CPQ: variants seen among roughly 807,000 people sequenced by gnomAD.
CPQ encodes the protein Ser-Met dipeptidase.
A neutral mutation model predicts 45.7 loss-of-function variants in CPQ; 37 were observed. That is an observed-to-expected ratio of 0.81 (90% CI 0.62 to 1.07). CPQ has a LOEUF of 1.07. CPQ is among the 50% of genes least tolerant of loss of function. The probability of loss-of-function intolerance (pLI) is 0.00; values close to 1 mark genes in which losing one functional copy is unlikely to be tolerated. For synonymous variants in CPQ, 186 were observed against 205.8 expected, an observed-to-expected ratio of 0.90 and a Z score of 0.82; for missense variants, 537 against 572.9, an observed-to-expected ratio of 0.94 and a Z score of 0.64.
At chr8:97,110,037 G>A (rs1266257976) in intron 7 of CPQ, among the ~76,000 whole-genome samples, 1 of 152,114 alleles carries the variant, frequency 6.6e-6, no homozygotes, top group East Asian at 1.9e-4. Flanking sequence ...CCAGCTTGAT[G>A]AGTTTGGATA....
chr8:96,911,924 G>A (rs909183423), intron 4 of CPQ, among the ~76,000 whole-genome samples: 1 of 152,160 alleles, frequency 6.6e-6, no homozygotes, highest in African/African-American at 2.4e-5. Flanking sequence ...ACCTTTGGTC[G>A]AGTTCTGGCT....
chr8:97,037,955 T>C (rs1173507702), intron 6 of CPQ, among the ~76,000 whole-genome samples: 1 of 152,224 alleles, frequency 6.6e-6, no homozygotes, highest in East Asian at 1.9e-4. Flanking sequence ...CTGGCTTTTA[T>C]TATATTTTTC....
At chr8:96,923,763 G>T (rs1379717429) in intron 4 of CPQ, among the ~76,000 whole-genome samples, 1 of 152,096 alleles carries the variant, frequency 6.6e-6, no homozygotes, top group Non-Finnish European at 1.5e-5. Context: ...TATTTGTTAG[G>T]TAATTCCAGG....
At chr8:97,062,339 C>T (rs1810564038) in intron 6 of CPQ, among the ~76,000 whole-genome samples, 1 of 152,154 alleles carries the variant, frequency 6.6e-6, no homozygotes, top group Admixed American at 6.6e-5. Flanking sequence ...AGAGGCCATT[C>T]ACCTGCCTTG....
intron 1 of CPQ, among the ~76,000 whole-genome samples, chr8:96,645,652 G>A (rs1023854223): frequency 2.0e-5 from 3 of 152,052 alleles, no homozygotes; most frequent in African/African-American, 7.2e-5. Flanking sequence ...GCTGTGACGT[G>A]GGGGTGGTGG....
At chr8:97,027,983 A>G (rs1323524394) in intron 5 of CPQ, among the ~76,000 whole-genome samples, 1 of 152,200 alleles carries the variant, frequency 6.6e-6, no homozygotes, top group Non-Finnish European at 1.5e-5. Flanking sequence ...CACTGCAGCA[A>G]TCCAGACAAC....
intron 7 of CPQ, among the ~76,000 whole-genome samples, chr8:97,116,937 T>C (rs1440360617): frequency 6.6e-6 from 1 of 152,198 alleles, no homozygotes; most frequent in Non-Finnish European, 1.5e-5. Flanking sequence ...GTCCAGGAAT[T>C]GATGATAACC....
chr8:96,783,021 A>AATC (rs1166154725), intron 1 of CPQ, among the ~76,000 whole-genome samples: 3 of 152,182 alleles, frequency 2.0e-5, no homozygotes, highest in Non-Finnish European at 4.4e-5. Flanking sequence ...CTCTAAGAAG[A>AATC]ATCACTCAAG....
chr8:97,084,752 T>C (rs1811011715), intron 7 of CPQ, among the ~76,000 whole-genome samples: 1 of 152,132 alleles, frequency 6.6e-6, no homozygotes, highest in South Asian at 2.1e-4. Flanking sequence ...TGTGTTTATG[T>C]GCCTTGTAAA....
At chr8:96,737,252 C>CAAA (rs1468523831) in intron 1 of CPQ, among the ~76,000 whole-genome samples, 1 of 125,794 alleles carries the variant, frequency 7.9e-6, no homozygotes, top group African/African-American at 3.1e-5. Context: ...CACACACACA[C>CAAA]ACAAAAAAAA....
At chr8:96,718,785 C>T (rs1184931431) in intron 1 of CPQ, among the ~76,000 whole-genome samples, 1 of 152,094 alleles carries the variant, frequency 6.6e-6, no homozygotes, top group Non-Finnish European at 1.5e-5. Flanking sequence ...TCCATGTCCC[C>T]ACTAGATTAA....
intron 2 of CPQ, among the ~76,000 whole-genome samples, chr8:96,831,876 C>A (rs1050989143): frequency 2.0e-5 from 3 of 151,924 alleles, no homozygotes; most frequent in African/African-American, 4.8e-5. Context: ...TTTAAATGTA[C>A]GTATAAATTA....
intron 3 of CPQ, among the ~76,000 whole-genome samples, chr8:96,854,737 G>T (rs1811824187): frequency 1.3e-5 from 2 of 152,014 alleles, no homozygotes; most frequent in Non-Finnish European, 2.9e-5. Context: ...CAGCAAGCTG[G>T]AGACCCAAGT....
At chr8:96,834,154 A>G (rs1187133224) in intron 2 of CPQ, among the ~76,000 whole-genome samples, 1 of 152,168 alleles carries the variant, frequency 6.6e-6, no homozygotes, top group Non-Finnish European at 1.5e-5. Context: ...TTTAATGGTC[A>G]GGCAAATTTT....
intron 4 of CPQ, among the ~76,000 whole-genome samples, chr8:96,888,893 G>A (rs891904624): frequency 1.3e-5 from 2 of 152,104 alleles, no homozygotes; most frequent in Non-Finnish European, 2.9e-5. Flanking sequence ...TACTTATTGG[G>A]TATTGGTATG....
chr8:96,919,223 T>A (rs772250600), intron 4 of CPQ, among the ~76,000 whole-genome samples: 3 of 152,080 alleles, frequency 2.0e-5, no homozygotes, highest in Non-Finnish European at 4.4e-5. Context: ...GGTCTACATT[T>A]TGTATGACCA....
intron 5 of CPQ, among the ~76,000 whole-genome samples, chr8:97,022,920 A>G (rs1039604439): frequency 1.3e-5 from 2 of 149,368 alleles, no homozygotes; most frequent in African/African-American, 4.9e-5. Flanking sequence ...TGAAAAAGAT[A>G]CTTGCACACA....
chr8:96,716,179 T>C (rs546861732), intron 1 of CPQ, among the ~76,000 whole-genome samples: 3 of 152,224 alleles, frequency 2.0e-5, no homozygotes, highest in Non-Finnish European at 2.9e-5. Context: ...TCATTTTAAC[T>C]GCAGATGGTG....
intron 7 of CPQ, among the ~76,000 whole-genome samples, chr8:97,123,099 A>T (rs1174811288): frequency 2.4e-5 from 3 of 126,034 alleles, no homozygotes; most frequent in Admixed American, 8.6e-5. Context: ...ATAAAATAAA[A>T]TAAATAAAAT....
Sources: gnomAD v4.1 joint callset for allele counts (sites outside exome capture counted in the v4.1 genomes callset) on GRCh38, gnomAD v4.1.1 for gene constraint, MANE v1.5 for transcripts, NCBI Gene and HGNC (gene_info 2026-07-23, HGNC 2026-07-21) for gene names.